Variants in CPNE8 observed in about 807,000 individuals in gnomAD.
CPNE8 encodes copine-8.
Under a neutral mutation model 81.5 loss-of-function variants are expected in CPNE8, and 45 were observed. That is an observed-to-expected ratio of 0.55 (90% CI 0.44 to 0.71). The LOEUF (loss-of-function observed/expected upper bound fraction) is 0.71, where lower values mean the gene tolerates loss of function less well. Ranked by LOEUF, CPNE8 falls within the 30% of genes least tolerant of loss-of-function variation. The pLI, the probability that CPNE8 is intolerant of heterozygous loss-of-function variation, is 0.00. For synonymous variants in CPNE8, 252 were observed against 226.3 expected (o/e 1.11, Z -1.02); for missense variants, 594 against 672.1 (o/e 0.88, Z 1.28).
In CPNE8 at chr12:38,878,627, A is replaced by C. The variant is rs531264184; in HGVS notation, c.99-4116T>G. 2.6e-5 allele frequency among the ~76,000 whole-genome samples: 4 copies of C among 152,320 alleles called. No individual in the cohort carries two copies. The East Asian group carries it at 5.8e-4, about 22-fold the overall frequency. On this transcript the variant is annotated intron_variant, in intron 1 of 19. Transcript: ENST00000331366. ...TTACTGAGTAGCCAATATGAATATC[A>C]CAGTTGTCTTTACTGTTGTAGTTTT...
At chr12:38,780,993 A>G (rs900780878) in intron 6 of CPNE8, among the ~76,000 whole-genome samples, 1 of 152,064 alleles carries the variant, frequency 6.6e-6, no homozygotes, top group Non-Finnish European at 1.5e-5. Context: ...AATAACAAAT[A>G]CAAATGAATA....
intron 10 of CPNE8, among the ~76,000 whole-genome samples, chr12:38,748,592 C>A (rs1160359698): frequency 1.3e-5 from 2 of 152,032 alleles, no homozygotes; most frequent in Non-Finnish European, 2.9e-5. Flanking sequence ...GCTCTGCCTC[C>A]CTGGTTCATG....
Position 38,693,833 on chromosome 12 carries a change from G to T in CPNE8, c.967C>A (p.Pro323Thr), listed in dbSNP as rs1939734000. Residue 323 changes from proline (P) to threonine (T), a missense_variant, in exon 15 of 20, where the codon CCT (proline) becomes ACT (threonine). Transcript: ENST00000331366. ...TAGTGGAGGGAAGTGGGCTGAGCAG[G>T]GTTGCCTGATGACAGAACACATATT... is the stretch of plus-strand genomic sequence containing the variant. ...AIDFTASNGN[P>T]AQPTSLHYMN... 5 of 1,596,970 alleles carry T rather than the reference G, an allele frequency of 3.1e-6. 1 individual carries two copies. Among genetic ancestry groups the T allele is most frequent in the Non-Finnish European group, 4.3e-6 (5 of 1,172,656 alleles).
At chr12:38,752,421 C>T (rs1046706487) in intron 10 of CPNE8, among the ~76,000 whole-genome samples, 9 of 152,170 alleles carry the variant, frequency 5.9e-5, no homozygotes, top group African/African-American at 1.9e-4. Context: ...CTGGCTATTA[C>T]CTCAGCTTCC....
At chr12:38,672,472 C>T (rs1454079908) in intron 18 of CPNE8, among the ~76,000 whole-genome samples, 1 of 152,132 alleles carries the variant, frequency 6.6e-6, no homozygotes, top group Non-Finnish European at 1.5e-5. Flanking sequence ...ACCATCTGGT[C>T]CTCAAGCAGG....
chr12:38,870,590 A>T (rs1943977348), intron 3 of CPNE8, among the ~76,000 whole-genome samples: 1 of 152,158 alleles, frequency 6.6e-6, no homozygotes, highest in South Asian at 2.1e-4. Context: ...GGAGTTAAAC[A>T]ATGAGAACAC....
intron 10 of CPNE8, among the ~76,000 whole-genome samples, chr12:38,757,184 T>G (rs1007168500): frequency 6.6e-6 from 1 of 152,136 alleles, no homozygotes; most frequent in South Asian, 2.1e-4. Context: ...GATCAACAAA[T>G]AGGGTAAAAA....
At chr12:38,706,290 C>T (rs1262258150) in intron 13 of CPNE8, among the ~76,000 whole-genome samples, 1 of 151,906 alleles carries the variant, frequency 6.6e-6, no homozygotes, top group Non-Finnish European at 1.5e-5. Context: ...GAGATTAATC[C>T]TCCTGAAAAT....
intron 15 of CPNE8, 200 bp from the exon 16 acceptor site, chr12:38,685,817 TAAC>T (rs1486785050): frequency 2.4e-6 from 1 of 412,592 alleles, no homozygotes; most frequent in Non-Finnish European, 4.3e-6. Context: ...ATGTAGATAA[TAAC>T]ATGATATAAT....
intron 6 of CPNE8, among the ~76,000 whole-genome samples, chr12:38,787,189 A>G (rs1942213211): frequency 6.6e-6 from 1 of 152,124 alleles, no homozygotes; most frequent in Non-Finnish European, 1.5e-5. Flanking sequence ...ATTCTCAAGG[A>G]TGGACCATAT....
rs747183468 is a variant in CPNE8, at chr12:38,905,508, C to T, written c.27G>A (p.Ala9=). The T allele has an allele frequency of 5.1e-6, 8 of 1,571,444 alleles. No homozygotes were observed. Among genetic ancestry groups the T allele is most frequent in the South Asian group, 1.2e-5 (1 of 85,638 alleles). Residue 9 remains alanine, a synonymous_variant, in exon 1 of 20, where the codon GCG becomes GCA. Transcript: ENST00000331366. MDSRYNST[A]GIGDLNQLSA... ...TCAGCTGGTTCAAGTCCCCGATGCC[C>T]GCAGTGCTGTTGTAGCGGCTGTCCA...
intron 13 of CPNE8, among the ~76,000 whole-genome samples, chr12:38,705,622 A>G (rs1940085556): frequency 6.6e-6 from 1 of 152,176 alleles, no homozygotes; most frequent in African/African-American, 2.4e-5. Flanking sequence ...ATTTTCAGAT[A>G]AAAGCCCCTT....
intron 3 of CPNE8, among the ~76,000 whole-genome samples, chr12:38,859,060 A>G (rs1943789465): frequency 1.3e-5 from 2 of 152,292 alleles, no homozygotes; most frequent in African/African-American, 4.8e-5. Context: ...GACAATTCTC[A>G]CCACTTCTAA....
chr12:38,828,568 A>T (rs1943236110), intron 6 of CPNE8, among the ~76,000 whole-genome samples: 1 of 152,186 alleles, frequency 6.6e-6, no homozygotes, highest in South Asian at 2.1e-4. Context: ...TATGTCAGAA[A>T]TAAACAGATT....
intron 6 of CPNE8, among the ~76,000 whole-genome samples, chr12:38,808,004 G>T (rs936862169): frequency 6.6e-6 from 1 of 152,044 alleles, no homozygotes; most frequent in Non-Finnish European, 1.5e-5. Flanking sequence ...ATGGAAAAAT[G>T]CTCATCATCA....
intron 3 of CPNE8, among the ~76,000 whole-genome samples, chr12:38,871,399 T>C (rs1213104021): frequency 6.6e-6 from 1 of 152,208 alleles, no homozygotes; most frequent in Non-Finnish European, 1.5e-5. Context: ...CTCAGTCCCA[T>C]CTAGCCTGGC....
At chr12:38,684,378 A>G (rs1939483680) in intron 16 of CPNE8, among the ~76,000 whole-genome samples, 1 of 152,154 alleles carries the variant, frequency 6.6e-6, no homozygotes. Flanking sequence ...GTACCATTTC[A>G]TGAGTAACTT....
chr12:38,892,224 C>T (rs1944323421), intron 1 of CPNE8, among the ~76,000 whole-genome samples: 2 of 152,154 alleles, frequency 1.3e-5, no homozygotes. Context: ...TTGGCTGGTG[C>T]CCATGTCTGA....
At chr12:38,788,003 A>C (rs562337845) in intron 6 of CPNE8, among the ~76,000 whole-genome samples, 4 of 146,926 alleles carry the variant, frequency 2.7e-5, no homozygotes, top group Non-Finnish European at 4.5e-5. Flanking sequence ...CCCAGGACCC[A>C]ATGGCTTCAC....
Sources: gnomAD v4.1 joint callset for allele counts (sites outside exome capture counted in the v4.1 genomes callset) on GRCh38, gnomAD v4.1.1 for gene constraint, MANE v1.5 for transcripts, NCBI Gene and HGNC (gene_info 2026-07-23, HGNC 2026-07-21) for gene names.